Variants in NAALADL2 observed in about 807,000 individuals in gnomAD.
NAALADL2 encodes the protein inactive N-acetylated-alpha-linked acidic dipeptidase-like protein 2.
NAALADL2 carries 76 observed loss-of-function variants against 87.2 expected under a neutral mutation model. The observed-to-expected ratio is 0.87, with a 90% CI of 0.72 to 1.05. The LOEUF (loss-of-function observed/expected upper bound fraction) is 1.05. Among genes scored for constraint, NAALADL2 ranks in the 50% least tolerant of loss-of-function variants. The pLI, the probability that NAALADL2 is intolerant of heterozygous loss-of-function variation, is 0.00. For synonymous variants in NAALADL2, 354 were observed against 331.0 expected, an observed-to-expected ratio of 1.07 and a Z score of -0.75; for missense variants, 1,089 against 945.8, an observed-to-expected ratio of 1.15 and a Z score of -1.99.
At chr3:175,356,009 T>G (rs9290549) in intron 5 of NAALADL2, among the ~76,000 whole-genome samples, 2 of 151,888 alleles carry the variant, frequency 1.3e-5, no homozygotes, top group Non-Finnish European at 2.9e-5. Context: ...AACAACCAGC[T>G]TGGAGTGAAA....
intron 7 of NAALADL2, among the ~76,000 whole-genome samples, chr3:175,465,462 A>G (rs1723850538): frequency 7.1e-6 from 1 of 140,050 alleles, no homozygotes; most frequent in African/African-American, 2.8e-5. Context: ...TATGTATACC[A>G]TGAATTAAAT....
intron 11 of NAALADL2, among the ~76,000 whole-genome samples, chr3:175,727,142 G>A (rs554894261): frequency 1.8e-4 from 28 of 152,018 alleles, no homozygotes; most frequent in Non-Finnish European, 3.4e-4. Flanking sequence ...ATGATCTGTC[G>A]GCTCCAGAAA....
chr3:175,110,297 A>T (rs138950298), intron 2 of NAALADL2, among the ~76,000 whole-genome samples: 137 of 151,988 alleles, frequency 9.0e-4, no homozygotes, highest in African/African-American at 3.2e-3. Context: ...AATTATATAC[A>T]ATTATGATAT....
chr3:175,622,661 A>C (rs1329585071), intron 10 of NAALADL2, among the ~76,000 whole-genome samples: 3 of 152,148 alleles, frequency 2.0e-5, no homozygotes, highest in African/African-American at 7.2e-5. Context: ...TCATCCATAA[A>C]GTGAAGGTGA....
intron 2 of NAALADL2, among the ~76,000 whole-genome samples, chr3:174,656,134 A>G (rs781078255): frequency 6.6e-6 from 1 of 152,240 alleles, no homozygotes; most frequent in Non-Finnish European, 1.5e-5. Flanking sequence ...CAAACATTTT[A>G]TATCAATGGA....
intron 11 of NAALADL2, among the ~76,000 whole-genome samples, chr3:175,722,784 T>C (rs1040697353): frequency 1.3e-5 from 2 of 152,114 alleles, no homozygotes; most frequent in Admixed American, 6.6e-5. Flanking sequence ...GTCTGGCACA[T>C]AGTAGATTTT....
chr3:175,428,401 T>C (rs1299156210), intron 5 of NAALADL2, among the ~76,000 whole-genome samples: 12 of 152,138 alleles, frequency 7.9e-5, no homozygotes, highest in Admixed American at 7.9e-4. Context: ...AACAAAATAG[T>C]CACCGAATCA....
At chr3:175,450,161 C>T (rs1290428764) in intron 6 of NAALADL2, among the ~76,000 whole-genome samples, 1 of 151,882 alleles carries the variant, frequency 6.6e-6, no homozygotes, top group Non-Finnish European at 1.5e-5. Context: ...GACAATAATG[C>T]TCATAGTTTT....
chr3:174,719,950 C>A (rs531688967), intron 2 of NAALADL2, among the ~76,000 whole-genome samples: 3 of 152,084 alleles, frequency 2.0e-5, no homozygotes, highest in African/African-American at 7.2e-5. Flanking sequence ...TGCAGGCATG[C>A]GCCACCATGC....
At chr3:174,982,467 T>G (rs1047473200) in intron 1 of NAALADL2, among the ~76,000 whole-genome samples, 1 of 152,220 alleles carries the variant, frequency 6.6e-6, no homozygotes, top group Non-Finnish European at 1.5e-5. Flanking sequence ...GAGTTATATA[T>G]GGAAACAACT....
chr3:174,892,552 A>G (rs1730984842), intron 1 of NAALADL2, among the ~76,000 whole-genome samples: 1 of 152,188 alleles, frequency 6.6e-6, no homozygotes, highest in Non-Finnish European at 1.5e-5. Flanking sequence ...ATATATGGAA[A>G]GATACAGGGA....
chr3:175,043,331 C>T (rs1466865837), intron 1 of NAALADL2, among the ~76,000 whole-genome samples: 1 of 152,052 alleles, frequency 6.6e-6, no homozygotes, highest in Non-Finnish European at 1.5e-5. Flanking sequence ...CTCTGCCTCC[C>T]GGTTTTAAGT....
At chr3:175,478,674 G>A (rs1726047426) in intron 9 of NAALADL2, among the ~76,000 whole-genome samples, 1 of 151,882 alleles carries the variant, frequency 6.6e-6, no homozygotes, top group East Asian at 1.9e-4. Context: ...GGCTTAAGCT[G>A]AGTTACTTTT....
chr3:174,753,103 T>G (rs759702016), intron 3 of NAALADL2, among the ~76,000 whole-genome samples: 7 of 152,316 alleles, frequency 4.6e-5, no homozygotes, highest in Non-Finnish European at 7.4e-5. Flanking sequence ...CTTTTTGCTT[T>G]CTTTCTTTCT....
intron 13 of NAALADL2, among the ~76,000 whole-genome samples, chr3:175,783,597 T>C (rs1751466487): frequency 6.6e-6 from 1 of 152,080 alleles, no homozygotes; most frequent in African/African-American, 2.4e-5. Flanking sequence ...TTAAGGAGAT[T>C]TTGGGCTGAG....
intron 13 of NAALADL2, chr3:175,773,049 T>C (rs1439145611): frequency 6.6e-6 from 1 of 152,156 alleles, no homozygotes; most frequent in Non-Finnish European, 1.5e-5. Flanking sequence ...AACAGGTAGA[T>C]GGTACTTAAG....
chr3:174,647,982 C>A (rs1723968876), intron 2 of NAALADL2, among the ~76,000 whole-genome samples: 1 of 152,078 alleles, frequency 6.6e-6, no homozygotes, highest in Admixed American at 6.6e-5. Context: ...CCTATGCAAA[C>A]TATAGTCCTG....
intron 11 of NAALADL2, among the ~76,000 whole-genome samples, chr3:175,638,108 T>G (rs1728793136): frequency 6.6e-6 from 1 of 152,190 alleles, no homozygotes; most frequent in Non-Finnish European, 1.5e-5. Flanking sequence ...GAACAAAGCA[T>G]TTGAACAATT....
chr3:175,310,920 C>T (rs1758282243), intron 4 of NAALADL2, among the ~76,000 whole-genome samples: 1 of 151,574 alleles, frequency 6.6e-6, no homozygotes, highest in South Asian at 2.1e-4. Context: ...AAAGAAGCAG[C>T]ATGTCTACAG....
Sources: gnomAD v4.1 joint callset for allele counts (sites outside exome capture counted in the v4.1 genomes callset) on GRCh38, gnomAD v4.1.1 for gene constraint, MANE v1.5 for transcripts, NCBI Gene and HGNC (gene_info 2026-07-23, HGNC 2026-07-21) for gene names.